Variants in EI24 observed in about 807,000 individuals in gnomAD.
EI24 encodes the protein etoposide-induced protein 2.4 homolog.
Under a neutral mutation model 48.6 loss-of-function variants are expected in EI24, and 21 were observed. That is an observed-to-expected ratio of 0.43 (90% CI 0.31 to 0.62). EI24 has a LOEUF of 0.62. Among genes scored for constraint, EI24 ranks in the 20% least tolerant of loss-of-function variants. The pLI, the probability that EI24 is intolerant of heterozygous loss-of-function variation, is 0.10. For synonymous variants in EI24, 114 were observed against 145.5 expected (o/e 0.78, Z 1.56); for missense variants, 280 against 410.5 (o/e 0.68, Z 2.75).
At chr11:125,582,113 G>A (rs966088776) in intron 9 of EI24, among the ~76,000 whole-genome samples, 22 of 151,836 alleles carry the variant, frequency 1.4e-4, no homozygotes, top group Admixed American at 1.1e-3. Context: ...CAGGAGAATC[G>A]CTTGAACACA....
At chr11:125,578,818 A>G (rs1938865219) in intron 6 of EI24, 131 bp from the exon 7 acceptor site, 3 of 1,103,374 alleles carry the variant, frequency 2.7e-6, no homozygotes, top group South Asian at 3.2e-5. Flanking sequence ...GGCACATGCC[A>G]TCGTGCCCAG....
At chr11:125,573,941 C>T (rs1938631913) in intron 2 of EI24, among the ~76,000 whole-genome samples, 1 of 151,970 alleles carries the variant, frequency 6.6e-6, no homozygotes, top group East Asian at 1.9e-4. Flanking sequence ...CTTAGCCTCC[C>T]AAAGTGCTAG....
Position 125,583,616 on chromosome 11 carries a change from C to T in EI24, c.956C>T (p.Thr319Ile), listed in dbSNP as rs759030816. 6.2e-7 allele frequency: 1 copy of T among 1,613,470 alleles called. No individual in the cohort carries two copies. Among genetic ancestry groups the T allele is most frequent in the South Asian group, 1.1e-5 (1 of 91,008 alleles). Reference protein sequence around the residue: ...VYLQSALSSSTSAEKFPSPHP... With the variant: ...VYLQSALSSSISAEKFPSPHP... Reference sequence around the variant, plus strand: ...CTGCAGTCGGCCCTGAGCAGCTCTACTTCTGCAGAGAAGTTCCCTTCACCG... The same window carrying T: ...CTGCAGTCGGCCCTGAGCAGCTCTATTTCTGCAGAGAAGTTCCCTTCACCG... Residue 319 changes from threonine to isoleucine, a missense_variant, in exon 11 of 11, where the codon ACT (threonine) becomes ATT (isoleucine). Thr to Ile is a moderately conservative substitution (Grantham distance 89). Around this residue, in one of 3 missense-constraint regions of EI24, gnomAD observed 62 missense variants for 65.1 expected, o/e 0.95. Coordinates refer to ENST00000278903, the MANE Select transcript of EI24 (RefSeq NM_004879.5).
intron 3 of EI24, among the ~76,000 whole-genome samples, 152 bp from the exon 4 acceptor site, chr11:125,576,101 CTT>C (rs1565328630): frequency 1.3e-5 from 2 of 152,066 alleles, no homozygotes; most frequent in Non-Finnish European, 2.9e-5. Flanking sequence ...TTTTTTTAGT[CTT>C]TTCTCATTGA....
chr11:125,577,281 G>A (rs757223370), intron 4 of EI24, among the ~76,000 whole-genome samples: 4 of 152,060 alleles, frequency 2.6e-5, no homozygotes, highest in Admixed American at 6.5e-5. Context: ...TAGTAGAGAC[G>A]GGGTTTCACC....
intron 8 of EI24, 95 bp downstream of exon 8, chr11:125,580,299 G>A (rs1057137454): frequency 4.3e-5 from 40 of 932,014 alleles, no homozygotes; most frequent in Non-Finnish European, 6.5e-5. Context: ...CAGGCTTTTG[G>A]CAAACAATCC....
chr11:125,575,831 C>A, intron 3 of EI24: 1 of 332,160 alleles, frequency 3.0e-6, no homozygotes, highest in Non-Finnish European at 6.2e-6. Context: ...ACCAAGCTGT[C>A]ACCTGAGATT....
chr11:125,576,190 A>G (rs368188699), intron 3 of EI24, 65 bp from the exon 4 acceptor site: 1 of 1,443,360 alleles, frequency 6.9e-7, no homozygotes, highest in African/African-American at 1.4e-5. Flanking sequence ...TATAAAATGA[A>G]CTACTGAATG....
chr11:125,578,407 G>T, intron 6 of EI24, 150 bp downstream of exon 6: 8 of 879,578 alleles, frequency 9.1e-6, no homozygotes, highest in South Asian at 3.5e-5. Context: ...TGATCTTTGT[G>T]TTCTTACAGA....
At position 125,569,904 on chromosome 11, in the gene EI24, A is replaced by G. The variant is rs73629934; in HGVS notation, c.-71+331A>G. 752 of 171,416 alleles carry G rather than the reference A, an allele frequency of 4.4e-3. 6 individuals are homozygous for G. The highest frequency in any genetic ancestry group is 0.017 in the African/African-American group (698 of 42,240). 10.6% of individuals were successfully genotyped at this position (171,416 alleles called of 1,614,324 possible). On this transcript the variant is annotated intron_variant, in intron 1 of 10. Transcript: ENST00000278903. ...AGGAGCTGTGGGGAGATGGGCCTGAATGGACCCGTGGACTCAGAGGCAGCC... is the reference window on the plus strand; with the variant it reads ...AGGAGCTGTGGGGAGATGGGCCTGAGTGGACCCGTGGACTCAGAGGCAGCC...
intron 6 of EI24, 125 bp from the exon 7 acceptor site, chr11:125,578,824 C>A: frequency 1.7e-6 from 2 of 1,183,722 alleles, no homozygotes; most frequent in Non-Finnish European, 2.3e-6. Flanking sequence ...TGCCATCGTG[C>A]CCAGCTTATT....
intron 6 of EI24, 145 bp downstream of exon 6, chr11:125,578,402 T>C (rs955380254): frequency 2.0e-6 from 2 of 1,011,778 alleles, no homozygotes; most frequent in Non-Finnish European, 1.5e-6. Context: ...GTAGCTGATC[T>C]TTGTGTTCTT....
intron 7 of EI24, among the ~76,000 whole-genome samples, chr11:125,579,427 A>T (rs918051378): frequency 6.7e-6 from 1 of 150,104 alleles, no homozygotes; most frequent in Non-Finnish European, 1.5e-5. Context: ...GCACTTTGGG[A>T]GGCCGAGGTG....
Position 125,582,437 on chromosome 11 carries a change from G to A in EI24, c.860+17G>A. The stretch of plus-strand genomic sequence containing the variant: ...CAAAGCATAGTAAGTATTAGCCAGT[G>A]ATGAAATTTTTGCTGTGTAAAGGGT... On this transcript the variant is annotated intron_variant, in intron 10 of 10. Transcript: ENST00000278903. 6.4e-7 allele frequency: 1 copy of A among 1,574,052 alleles called. No homozygotes were observed. The highest frequency in any genetic ancestry group is 8.6e-7 in the Non-Finnish European group (1 of 1,161,368).
At chr11:125,574,227 TG>T (rs1272322388) in intron 2 of EI24, among the ~76,000 whole-genome samples, 1 of 151,466 alleles carries the variant, frequency 6.6e-6, no homozygotes, top group African/African-American at 2.4e-5. Context: ...CACTCCAGCC[TG>T]GGCGACAGAG....
chr11:125,574,035 G>A lies in EI24; in HGVS notation c.43-1228G>A, dbSNP rs1401651489. 2.6e-5 allele frequency among the ~76,000 whole-genome samples: 4 copies of A among 151,810 alleles called. No homozygotes were observed. The East Asian group carries it at 7.7e-4, about 29-fold the overall frequency. ...CTTGTTGTCTTGCCATTCATGTGCT[G>A]TAAAATTTCAACCCTCCCAGCCTGG... On this transcript the variant is annotated intron_variant, in intron 2 of 10. Coordinates refer to ENST00000278903, the MANE Select transcript of EI24 (RefSeq NM_004879.5).
At chr11:125,575,549 C>A in intron 3 of EI24, 141 bp downstream of exon 3, 1 of 1,012,208 alleles carries the variant, frequency 9.9e-7, no homozygotes, top group Non-Finnish European at 1.4e-6. Context: ...ACAACATTGA[C>A]TTAAACTAGG....
chr11:125,575,799 T>TTTC, intron 3 of EI24: 1 of 314,312 alleles, frequency 3.2e-6, no homozygotes. Flanking sequence ...TTTTTTTTTT[T>TTTC]GAGACGGATT....
chr11:125,572,598 T>C, intron 2 of EI24, 29 bp downstream of exon 2: 1 of 1,590,994 alleles, frequency 6.3e-7, no homozygotes, highest in Non-Finnish European at 8.6e-7. Flanking sequence ...TAGGAATTCA[T>C]CTCTCGGCCT....
Sources: gnomAD v4.1 joint callset for allele counts (sites outside exome capture counted in the v4.1 genomes callset) on GRCh38, gnomAD v4.1.1 for gene constraint, gnomAD v4.1.1 regional missense constraint, MANE v1.5 for transcripts, NCBI Gene and HGNC (gene_info 2026-07-23, HGNC 2026-07-21) for gene names.